The following ZNF804B variants were observed in gnomAD, a reference collection of about 807,000 sequenced individuals.
ZNF804B encodes zinc finger protein 804B.
Under a neutral mutation model 101.4 loss-of-function variants are expected in ZNF804B, and 80 were observed. The ratio of observed to expected loss-of-function variants is 0.79; its 90% CI spans 0.66 to 0.95. ZNF804B has a LOEUF of 0.95. Ranked by LOEUF, ZNF804B falls within the 40% of genes least tolerant of loss-of-function variation. ZNF804B has a pLI of 0.00. For missense variants in ZNF804B, 1,673 were observed against 1,561.9 expected, an observed-to-expected ratio of 1.07 and a Z score of -1.20; for synonymous variants, 622 against 558.8, an observed-to-expected ratio of 1.11 and a Z score of -1.59.
Position 88,813,691 on chromosome 7 carries a change from C to G in ZNF804B, c.108+53607C>G, listed in dbSNP as rs140463156. ...GGAAAGAAGTTTATTGTGTTAAATA[C>G]TAGAAACTTAGGACAATTTTTCAAG... On this transcript the variant is annotated intron_variant, in intron 1 of 3. Transcript: ENST00000333190. Among the ~76,000 whole-genome samples, 1,336 of 152,108 alleles carry G rather than the reference C, an allele frequency of 8.8e-3. 12 individuals carry two copies. The highest frequency in any genetic ancestry group is 0.031 in the African/African-American group (1,284 of 41,490).
chr7:89,157,085 C>A (rs1584022130), intron 1 of ZNF804B, among the ~76,000 whole-genome samples: 2 of 152,098 alleles, frequency 1.3e-5, no homozygotes, highest in Admixed American at 6.6e-5. Flanking sequence ...GGTACAGGCT[C>A]TCTATTGGTG....
At chr7:89,254,014 CT>C (rs1331668410) in intron 2 of ZNF804B, among the ~76,000 whole-genome samples, 3 of 152,062 alleles carry the variant, frequency 2.0e-5, no homozygotes, top group Non-Finnish European at 4.4e-5. Flanking sequence ...ATGATTTCTA[CT>C]AAAATACAAT....
chr7:89,034,411 C>A (rs1403675013), intron 1 of ZNF804B, among the ~76,000 whole-genome samples: 1 of 152,016 alleles, frequency 6.6e-6, no homozygotes, highest in East Asian at 1.9e-4. Context: ...GCCCCCTACC[C>A]CCCGCCAGGC....
intron 2 of ZNF804B, among the ~76,000 whole-genome samples, chr7:89,238,933 A>G (rs1789322112): frequency 6.6e-6 from 1 of 152,162 alleles, no homozygotes; most frequent in Non-Finnish European, 1.5e-5. Context: ...TTGTTGGAAA[A>G]TATCTTTTCC....
chr7:88,766,884 A>G (rs2115620322), intron 1 of ZNF804B, among the ~76,000 whole-genome samples: 1 of 152,022 alleles, frequency 6.6e-6, no homozygotes, highest in South Asian at 2.1e-4. Flanking sequence ...AGCAAGTATA[A>G]TTAGGACTGC....
intron 1 of ZNF804B, among the ~76,000 whole-genome samples, chr7:89,086,308 T>G: frequency 6.6e-6 from 1 of 152,128 alleles, no homozygotes; most frequent in Admixed American, 6.6e-5. Context: ...AATGTAATGT[T>G]AAGTCATCAT....
chr7:88,879,397 T>C (rs2115903904), intron 1 of ZNF804B, among the ~76,000 whole-genome samples: 1 of 152,314 alleles, frequency 6.6e-6, no homozygotes, highest in Admixed American at 6.5e-5. Flanking sequence ...CTACTGCATA[T>C]TTATCAAAAT....
intron 1 of ZNF804B, among the ~76,000 whole-genome samples, chr7:88,916,464 G>T (rs1359993540): frequency 6.6e-6 from 1 of 152,088 alleles, no homozygotes; most frequent in Non-Finnish European, 1.5e-5. Context: ...ACACTCTATT[G>T]TATTGCTAGT....
chr7:89,145,701 G>A (rs1402781203), intron 1 of ZNF804B, among the ~76,000 whole-genome samples: 3 of 151,616 alleles, frequency 2.0e-5, no homozygotes, highest in African/African-American at 7.3e-5. Context: ...TCCCACTCTG[G>A]ACCAGACCTT....
intron 1 of ZNF804B, among the ~76,000 whole-genome samples, chr7:88,871,825 G>A (rs376194206): frequency 2.8e-4 from 43 of 152,112 alleles, no homozygotes; most frequent in South Asian, 1.7e-3. Context: ...AAAGTTAGCC[G>A]GGCGTGGTGG....
intron 1 of ZNF804B, among the ~76,000 whole-genome samples, chr7:89,057,930 C>A (rs1173290793): frequency 6.6e-6 from 1 of 152,010 alleles, no homozygotes; most frequent in East Asian, 1.9e-4. Flanking sequence ...AAAAACTAAT[C>A]TAGAAAATGA....
chr7:89,174,556 A>C (rs779942006), intron 1 of ZNF804B, among the ~76,000 whole-genome samples: 4 of 152,014 alleles, frequency 2.6e-5, no homozygotes, highest in Non-Finnish European at 4.4e-5. Context: ...TGCAATAAAC[A>C]TGGGAGTATA....
intron 1 of ZNF804B, among the ~76,000 whole-genome samples, chr7:88,906,111 G>A (rs1432584001): frequency 6.6e-6 from 1 of 151,710 alleles, no homozygotes; most frequent in Non-Finnish European, 1.5e-5. Flanking sequence ...TCTGTAGAAT[G>A]GGTTGTAATA....
At position 88,854,529 on chromosome 7, in the gene ZNF804B, T is replaced by TCCTTTCCTTCCCTC. The variant is rs1562812904; in HGVS notation, c.108+94449_108+94450insTCCTTCCCTCCCTT. Among the ~76,000 whole-genome samples, 4 of 57,922 alleles carry TCCTTTCCTTCCCTC rather than the reference T, an allele frequency of 6.9e-5. No homozygotes were observed. In the South Asian group the frequency reaches 2.3e-3, roughly 33 times the overall value. The allele number at this position is 57,922 out of a possible 152,430, so 38.0% of individuals were successfully genotyped here. ...TTCCTTTCCTTTCCTTTCCTTCCTT[T>TCCTTTCCTTCCCTC]CCTTCCTTCCTTCCTTCCTTCCTTC... On this transcript the variant is annotated intron_variant, in intron 1 of 3. Coordinates refer to ENST00000333190, the MANE Select transcript of ZNF804B (RefSeq NM_181646.5).
intron 1 of ZNF804B, among the ~76,000 whole-genome samples, chr7:88,946,554 C>CTTTTTTTTTTT (rs202172425): frequency 1.6e-5 from 2 of 128,120 alleles, no homozygotes; most frequent in Non-Finnish European, 1.7e-5. Flanking sequence ...CTGAAATTTT[C>CTTTTTTTTTTT]TTTTTTTTTT....
intron 1 of ZNF804B, among the ~76,000 whole-genome samples, chr7:88,828,279 G>T (rs1303542419): frequency 6.6e-6 from 1 of 152,038 alleles, no homozygotes; most frequent in African/African-American, 2.4e-5. Context: ...TATATATTTA[G>T]GGTATAGGAC....
chr7:88,997,255 G>A (rs1788216006), intron 1 of ZNF804B, among the ~76,000 whole-genome samples: 1 of 151,890 alleles, frequency 6.6e-6, no homozygotes, highest in Non-Finnish European at 1.5e-5. Flanking sequence ...TATTTAAAGT[G>A]GTTACCTCAT....
intron 2 of ZNF804B, among the ~76,000 whole-genome samples, chr7:89,298,216 G>GTGTGTATATATATATATA (rs1421058768): frequency 3.6e-5 from 1 of 27,524 alleles, no homozygotes; most frequent in African/African-American, 1.6e-4. Context: ...GTGTGTGTGT[G>GTGTGTATATATATATATA]TATATATATA....
intron 2 of ZNF804B, among the ~76,000 whole-genome samples, chr7:89,276,643 A>C (rs934773901): frequency 3.9e-5 from 6 of 151,952 alleles, no homozygotes; most frequent in Admixed American, 6.6e-5. Flanking sequence ...AAAATCATAA[A>C]AAATTCAGTA....
Sources: gnomAD v4.1 joint callset for allele counts (sites outside exome capture counted in the v4.1 genomes callset) on GRCh38, gnomAD v4.1.1 for gene constraint, MANE v1.5 for transcripts, NCBI Gene and HGNC (gene_info 2026-07-23, HGNC 2026-07-21) for gene names.